The following SFSWAP variants were observed in gnomAD, a reference collection of about 807,000 sequenced individuals.
SFSWAP encodes splicing factor SWAP.
SFSWAP carries 17 observed loss-of-function variants against 100.7 expected under a neutral mutation model. The ratio of observed to expected loss-of-function variants is 0.17; its 90% CI spans 0.12 to 0.25. The LOEUF (loss-of-function observed/expected upper bound fraction) is 0.25. Ranked by LOEUF, SFSWAP falls within the 10% of genes least tolerant of loss-of-function variation. SFSWAP has a pLI of 1.00. For missense variants in SFSWAP, 1,005 were observed against 1,262.6 expected, an observed-to-expected ratio of 0.80 and a Z score of 3.09; for synonymous variants, 504 against 510.1, an observed-to-expected ratio of 0.99 and a Z score of 0.16.
intron 13 of SFSWAP, among the ~76,000 whole-genome samples, chr12:131,775,994 C>A (rs1479437881): frequency 6.6e-6 from 1 of 151,806 alleles, no homozygotes; most frequent in Non-Finnish European, 1.5e-5. Context: ...CCCAGCTACT[C>A]AGGAGGCTGA....
intron 13 of SFSWAP, among the ~76,000 whole-genome samples, chr12:131,776,520 A>G (rs1175312433): frequency 6.6e-6 from 1 of 152,392 alleles, no homozygotes. Flanking sequence ...AGCAAGAAGC[A>G]TAACTGTAGA....
chr12:131,759,465 C>T (rs1212196642), intron 11 of SFSWAP, among the ~76,000 whole-genome samples: 2 of 152,134 alleles, frequency 1.3e-5, no homozygotes, highest in Admixed American at 6.5e-5. Flanking sequence ...CGATCACTTA[C>T]AAGTATAGAT....
Position 131,711,833 on chromosome 12 carries a change from C to G in SFSWAP, c.218+386C>G. The G allele has an allele frequency of 4.4e-6, 1 of 225,454 alleles. No individual in the cohort carries two copies. The highest frequency in any genetic ancestry group is 5.8e-5 in the South Asian group (1 of 17,342). The allele number at this position is 225,454 out of a possible 1,614,324, so 14.0% of individuals were successfully genotyped here. On this transcript the variant is annotated intron_variant, in intron 1 of 17. Transcript: ENST00000261674. This position sits in a 1 kb window ranked among gnomAD's most constrained non-coding sequence, Gnocchi z 4.9. ...TGCCATGGGGTCGTGCGCTGCTTTT[C>G]TACTTGCCGCGCTCTCACTGCTCGG...
chr12:131,761,485 G>A (rs906482864), intron 11 of SFSWAP, among the ~76,000 whole-genome samples: 7 of 152,184 alleles, frequency 4.6e-5, no homozygotes, highest in African/African-American at 1.7e-4. Flanking sequence ...AGGAGGCATC[G>A]TGGGGGCCGA....
chr12:131,718,479 C>T (rs1200846421), intron 3 of SFSWAP, among the ~76,000 whole-genome samples: 3 of 152,010 alleles, frequency 2.0e-5, no homozygotes, highest in Non-Finnish European at 4.4e-5. Flanking sequence ...ACTTAGGTAC[C>T]TTAGAATACA....
rs776471368 is a variant in SFSWAP at position 131,753,109 on chromosome 12, A to G, written c.1082-14A>G. On this transcript the variant is annotated splice_polypyrimidine_tract_variant and intron_variant, in intron 7 of 17. Coordinates refer to ENST00000261674, the MANE Select transcript of SFSWAP (RefSeq NM_004592.4). ...GGCCGGCCATGCTCACTCCGGGGCAATGTGTCTCCACAGCGACCGTGGCAG... is the reference window on the plus strand; with the variant it reads ...GGCCGGCCATGCTCACTCCGGGGCAGTGTGTCTCCACAGCGACCGTGGCAG... 2.5e-6 allele frequency: 4 copies of G among 1,613,900 alleles called. No homozygotes were observed. The highest frequency in any genetic ancestry group is 3.4e-6 in the Non-Finnish European group (4 of 1,179,896).
Position 131,753,088 on chromosome 12 carries a change from G to A in SFSWAP, c.1082-35G>A, listed in dbSNP as rs369058350. On this transcript the variant is annotated intron_variant, in intron 7 of 17. Coordinates refer to ENST00000261674, the MANE Select transcript of SFSWAP (RefSeq NM_004592.4). ...TGGACTCATGGACCAGCCTGTGGCC[G>A]GCCATGCTCACTCCGGGGCAATGTG... 7.9e-5 allele frequency: 127 copies of A among 1,610,390 alleles called. 1 individual carries two copies. The highest frequency in any genetic ancestry group is 9.9e-5 in the Non-Finnish European group (117 of 1,177,614).
In SFSWAP at chr12:131,775,217, G is replaced by A. The variant is rs563173599; in HGVS notation, c.2143-2848G>A. Among the ~76,000 whole-genome samples, 27 of 152,342 alleles carry A rather than the reference G, an allele frequency of 1.8e-4. No individual in the cohort carries two copies. The East Asian group carries it at 2.9e-3, about 16-fold the overall frequency. ...TTCACCAGAAAAAGACAGCAAAGAC[G>A]TGTTTCTCTTCCTTCTCGTCACAGA... On this transcript the variant is annotated intron_variant, in intron 13 of 17. Transcript: ENST00000261674.
Position 131,764,575 on chromosome 12 carries a change from C to A in SFSWAP, c.1840C>A (p.Gln614Lys). 2 of 1,614,172 alleles carry A rather than the reference C, an allele frequency of 1.2e-6. No individual in the cohort carries two copies. The highest frequency in any genetic ancestry group is 1.7e-6 in the Non-Finnish European group (2 of 1,180,026). The change falls in exon 12 of 18, where the codon CAA becomes AAA. Residue 614 changes from glutamine (Q) to lysine (K), a missense_variant. Physicochemically the swap from Gln to Lys is moderately conservative, Grantham distance 53. Transcript: ENST00000261674. ...TGATGATGAAGAAAGCAAAGAAGGC[C>A]AAGAAAGTTCTAGTAGTGCTGCAAA... Reference protein sequence around the residue: ...SDDDEESKEGQESSSSAANTN... With the variant: ...SDDDEESKEGKESSSSAANTN...
In SFSWAP at chr12:131,756,532, T is replaced by C. The variant is rs747723631; in HGVS notation, c.1608T>C (p.Ala536=). The change falls in exon 11 of 18, where the codon GCT becomes GCC. Residue 536 remains alanine (A), a synonymous_variant. Transcript: ENST00000261674. ...TDSAPEKPSD[A]GEDGAPEDAA... is the part of the protein sequence containing the mutation. The stretch of plus-strand genomic sequence containing the variant: ...CTGCTCCCGAGAAGCCAAGTGATGC[T>C]GGGGAGGATGGCGCGCCTGAAGACG... 7 of 1,613,630 alleles carry C rather than the reference T, an allele frequency of 4.3e-6. No individual in the cohort carries two copies. The highest frequency in any genetic ancestry group is 5.9e-6 in the Non-Finnish European group (7 of 1,179,846).
At chr12:131,740,078 C>T (rs895407122) in intron 7 of SFSWAP, among the ~76,000 whole-genome samples, 2 of 152,130 alleles carry the variant, frequency 1.3e-5, no homozygotes, top group Non-Finnish European at 2.9e-5. Flanking sequence ...TGCTGTGGGC[C>T]TCTCAGATCT....
At chr12:131,720,614 G>A (rs981008583) in intron 4 of SFSWAP, among the ~76,000 whole-genome samples, 2 of 152,170 alleles carry the variant, frequency 1.3e-5, no homozygotes, top group African/African-American at 2.4e-5. Context: ...GGTAGATGCC[G>A]GGAAAGCTCC....
intron 16 of SFSWAP, 133 bp downstream of exon 16, chr12:131,797,493 C>T (rs750071848): frequency 1.4e-4 from 104 of 756,478 alleles, no homozygotes; most frequent in Middle Eastern, 3.9e-4. Context: ...AAAGCCAAAC[C>T]GCACCCCCTC....
chr12:131,756,860 A>G, intron 11 of SFSWAP: 1 of 548,096 alleles, frequency 1.8e-6, no homozygotes, highest in Non-Finnish European at 3.2e-6. Context: ...GCCCTTAGGT[A>G]TGTGTCTGTT....
chr12:131,774,535 C>T (rs553621102), intron 13 of SFSWAP, among the ~76,000 whole-genome samples: 8 of 152,282 alleles, frequency 5.3e-5, no homozygotes, highest in African/African-American at 1.4e-4. Context: ...AACCAATGTA[C>T]GTCTGCCCCC....
At chr12:131,751,562 C>G (rs1003656396) in intron 7 of SFSWAP, among the ~76,000 whole-genome samples, 7 of 152,274 alleles carry the variant, frequency 4.6e-5, no homozygotes, top group Admixed American at 2.6e-4. Context: ...ACATAGTAGC[C>G]TGATGGCTCC....
Position 131,778,540 on chromosome 12 carries a change from A to G in SFSWAP, c.2408+210A>G, listed in dbSNP as rs944597468. Among the ~76,000 whole-genome samples the G allele has an allele frequency of 5.9e-5, 9 of 152,116 alleles. No individual in the cohort carries two copies. The highest frequency in any genetic ancestry group is 1.2e-4 in the Non-Finnish European group (8 of 68,016). On this transcript the variant is annotated intron_variant, in intron 14 of 17. Transcript: ENST00000261674. This position sits in a 1 kb window ranked among gnomAD's most constrained non-coding sequence, Gnocchi z 4.2. ...TACTTAACTTTTTCTTTTTTGAGAC[A>G]GAGTTTTGTTCTTGTTGCCCAGGCT...
At chr12:131,786,721 C>A in intron 15 of SFSWAP, 133 bp downstream of exon 15, 3 of 899,286 alleles carry the variant, frequency 3.3e-6, no homozygotes, top group Non-Finnish European at 5.0e-6. Context: ...CCCCACCACC[C>A]CCCCACCCCC....
chr12:131,726,592 T>G (rs1265590698), intron 5 of SFSWAP, among the ~76,000 whole-genome samples: 1 of 152,260 alleles, frequency 6.6e-6, no homozygotes, highest in Non-Finnish European at 1.5e-5. Flanking sequence ...ATCTTCAGTT[T>G]TGTTGTAGTT....
Sources: allele counts gnomAD v4.1 joint callset (sites outside exome capture counted in the v4.1 genomes callset), GRCh38; gene constraint gnomAD v4.1.1; non-coding constraint Gnocchi (gnomAD v3.1); transcripts MANE v1.5; gene names NCBI Gene and HGNC (gene_info 2026-07-23, HGNC 2026-07-21).